Variants in FLG observed in about 807,000 individuals in gnomAD.
FLG encodes epidermal filaggrin.
A neutral mutation model predicts 3.8 loss-of-function variants in FLG; 6 were observed. The observed-to-expected ratio is 1.60, with a 90% CI of 0.87 to 3.15. The LOEUF (loss-of-function observed/expected upper bound fraction) is 3.15, where lower values mean the gene tolerates loss of function less well. Among genes scored for constraint, FLG ranks in the 30% most tolerant of loss-of-function variants. The pLI, the probability that FLG is intolerant of heterozygous loss-of-function variation, is 0.00. For missense variants in FLG, 7,595 were observed against 5,050.9 expected, an observed-to-expected ratio of 1.50 and a Z score of -15.27; for synonymous variants, 2,551 against 1,931.6, an observed-to-expected ratio of 1.32 and a Z score of -8.41.
rs139321371 is a variant in FLG at position 152,313,402 on chromosome 1, G to A, written c.1484C>T (p.Ser495Leu). Residue 495 changes from serine (S) to leucine (L), a missense_variant, in exon 3 of 3, where the codon TCG becomes TTG. Physicochemically the swap from Ser to Leu is moderately radical, Grantham distance 145. Coordinates refer to ENST00000368799, the MANE Select transcript of FLG (RefSeq NM_002016.2). Reference protein sequence around the residue: ...TGTSTGGRQGSHHEQARDSSR... With the variant: ...TGTSTGGRQGLHHEQARDSSR... ...GCTGTCTCGTGCCTGCTCGTGGTGC[G>A]ATCCTTGTCTTCCTCCAGTGCTGGT... The A allele has an allele frequency of 7.6e-5, 123 of 1,613,632 alleles. No individual in the cohort carries two copies. Among genetic ancestry groups the A allele is most frequent in the Non-Finnish European group, 1.0e-4 (118 of 1,179,938 alleles).
At position 152,313,853 on chromosome 1, in the gene FLG, T is replaced by C. The variant is rs751371192; in HGVS notation, c.1033A>G (p.Ser345Gly). ...HPRSHDEDRA[S>G]HGHSADSSRQ... The stretch of plus-strand genomic sequence containing the variant: ...GAGCTGTCTGCAGAGTGCCCATGAC[T>C]GGCTCTGTCTTCATCATGGGACCTG... Residue 345 changes from serine (S) to glycine (G), a missense_variant, in exon 3 of 3, where the codon AGT (serine) becomes GGT (glycine). Physicochemically the swap from Ser to Gly is moderately conservative, Grantham distance 56 (BLOSUM62 0). Coordinates refer to ENST00000368799, the MANE Select transcript of FLG (RefSeq NM_002016.2). 1.2e-5 allele frequency: 20 copies of C among 1,614,020 alleles called. No homozygotes were observed. In the East Asian group the frequency reaches 2.0e-4, roughly 16 times the overall value.
rs773473169 is a variant in FLG, at chr1:152,313,948, T to C, written c.938A>G (p.His313Arg). Residue 313 changes from histidine to arginine, a missense_variant, in exon 3 of 3, where the codon CAC becomes CGC. Physicochemically the swap from His to Arg is conservative, Grantham distance 29. Coordinates refer to ENST00000368799, the MANE Select transcript of FLG (RefSeq NM_002016.2). ...ATGGTTTCTGGAAGCCGACCCAGAG[T>C]GCCTCTCAGAGTCTTCTGAGTGTCC... ...SEGHSEDSER[H>R]SGSASRNHHG... The C allele has an allele frequency of 3.1e-6, 5 of 1,614,004 alleles. No homozygotes were observed. Among genetic ancestry groups the C allele is most frequent in the East Asian group, 2.2e-5 (1 of 44,862 alleles).
Position 152,305,132 on chromosome 1 carries a change from T to G in FLG, c.9754A>C (p.Arg3252=), listed in dbSNP as rs1231453448. ...SVQEQSRHGS[R]HPRSHHEDRA... ...TCTTCGTGATGGGACCTGGGGTGTC[T>G]GGAGCCGTGCCTTGACTGCTCCTGA... Residue 3252 remains arginine (R), a synonymous_variant, in exon 3 of 3, where the codon AGA becomes CGA. Coordinates refer to ENST00000368799, the MANE Select transcript of FLG (RefSeq NM_002016.2). The G allele has an allele frequency of 6.2e-7, 1 of 1,613,942 alleles. No homozygotes were observed. Among genetic ancestry groups the G allele is most frequent in the South Asian group, 1.1e-5 (1 of 91,024 alleles).
rs78733053 is a variant in FLG at position 152,303,168 on chromosome 1, G to A, written c.11718C>T (p.His3906=). The part of the protein sequence containing the change: ...RDGSRHPGSS[H]RDTASHVQSS... ...ACTGTACATGACTGGCTGTATCGCG[G>A]TGAGAGGATCCGGGGTGTCTGGAGC... The change falls in exon 3 of 3, where the codon CAC becomes CAT. Residue 3906 remains histidine, a synonymous_variant. Transcript: ENST00000368799. The A allele has an allele frequency of 1.7e-3, 2,799 of 1,614,182 alleles. 50 individuals carry two copies. In the African/African-American group the frequency reaches 0.033, roughly 19 times the overall value.
chr1:152,311,745 T>C lies in FLG; in HGVS notation c.3141A>G (p.Ser1047=), dbSNP rs1487372246. The stretch of plus-strand genomic sequence containing the variant: ...ATGAAGCTTGTCTGCGCGGAATGCC[T>C]GAGTGTCTGGAGCTGTCTGCTGACT... ...HQQSADSSRH[S]GIPRRQASSA... Residue 1047 remains serine, a synonymous_variant, in exon 3 of 3, where the codon TCA becomes TCG. Coordinates refer to ENST00000368799, the MANE Select transcript of FLG (RefSeq NM_002016.2). 2 of 1,614,016 alleles carry C rather than the reference T, an allele frequency of 1.2e-6. No individual in the cohort carries two copies. The highest frequency in any genetic ancestry group is 4.5e-5 in the East Asian group (2 of 44,884).
chr1:152,304,658 T>G lies in FLG; in HGVS notation c.10228A>C (p.Arg3410=), dbSNP rs1390641284. The change falls in exon 3 of 3, where the codon AGA becomes CGA. Residue 3410 remains arginine (R), a synonymous_variant. Transcript: ENST00000368799. The part of the protein sequence containing the change: ...HGRTRTSTGR[R]QGSHHEQARD... Reference sequence around the variant, plus strand: ...GCCTGCTCGTGGTGGGATCCTTGTCTTCGTCCAGTGCTGGTCCTGGTCCGC... The same window carrying G: ...GCCTGCTCGTGGTGGGATCCTTGTCGTCGTCCAGTGCTGGTCCTGGTCCGC... 1.2e-6 allele frequency: 2 copies of G among 1,611,960 alleles called. No individual in the cohort carries two copies. The highest frequency in any genetic ancestry group is 2.7e-5 in the African/African-American group (2 of 74,846).
chr1:152,315,035 C>G, intron 2 of FLG: 1 of 416,260 alleles, frequency 2.4e-6, no homozygotes, highest in Non-Finnish European at 4.2e-6. Context: ...CAAAAATCCC[C>G]TTAGTAATGT....
chr1:152,314,537 C>T lies in FLG; in HGVS notation c.349G>A (p.Glu117Lys). 2 of 1,612,408 alleles carry T rather than the reference C, an allele frequency of 1.2e-6. No individual in the cohort carries two copies. The highest frequency in any genetic ancestry group is 1.7e-6 in the Non-Finnish European group (2 of 1,179,640). Reference protein sequence around the residue: ...HDKHEDNKQEENKENRKRPSS... With the variant: ...HDKHEDNKQEKNKENRKRPSS... ...GGTCTTTTTCTGTTTTCTTTGTTTT[C>T]TTCCTGTTTATTATCTTCATGTTTA... The change falls in exon 3 of 3, where the codon GAA becomes AAA. Residue 117 changes from glutamate to lysine, a missense_variant. Coordinates refer to ENST00000368799, the MANE Select transcript of FLG (RefSeq NM_002016.2).
At chr1:152,315,569 T>C in intron 1 of FLG, 92 bp from the exon 2 acceptor site, 1 of 974,858 alleles carries the variant, frequency 1.0e-6, no homozygotes, top group Non-Finnish European at 1.5e-6. Context: ...AACCTACATT[T>C]TCCTCTAAGT....
Position 152,310,656 on chromosome 1 carries a change from C to G in FLG, c.4230G>C (p.Val1410=). The part of the protein sequence containing the change: ...GHSEDSDTQS[V]SAHGQAGPHQ... ...GGGGCCCAGCTTGTCCGTGGGCTGACACTGACTGTGTGTCTGAGTCTTCTG... is the reference window on the plus strand; with the variant it reads ...GGGGCCCAGCTTGTCCGTGGGCTGAGACTGACTGTGTGTCTGAGTCTTCTG... Residue 1410 remains valine (V), a synonymous_variant, in exon 3 of 3, where the codon GTG becomes GTC. Coordinates refer to ENST00000368799, the MANE Select transcript of FLG (RefSeq NM_002016.2). 1 of 1,614,048 alleles carries G rather than the reference C, an allele frequency of 6.2e-7. No homozygotes were observed. Among genetic ancestry groups the G allele is most frequent in the Non-Finnish European group, 8.5e-7 (1 of 1,180,020 alleles).
rs575918449 is a variant in FLG at position 152,312,876 on chromosome 1, A to G, written c.2010T>C (p.His670=). Reference sequence around the variant, plus strand: ...TTCTGGAGCTGTCTGCAGAGTGCCCATGACCAGCTCTGTCTTCGTGATGGG... The same window carrying G: ...TTCTGGAGCTGTCTGCAGAGTGCCCGTGACCAGCTCTGTCTTCGTGATGGG... ...PRSHHEDRAG[H]GHSADSSRKS... Residue 670 remains histidine, a synonymous_variant, in exon 3 of 3, where the codon CAT becomes CAC. Transcript: ENST00000368799. 69 of 1,612,576 alleles carry G rather than the reference A, an allele frequency of 4.3e-5. No individual in the cohort carries two copies. The highest frequency in any genetic ancestry group is 1.1e-4 in the South Asian group (10 of 91,072).
chr1:152,310,018 C>G lies in FLG; in HGVS notation c.4868G>C (p.Arg1623Pro). 5 of 1,613,738 alleles carry G rather than the reference C, an allele frequency of 3.1e-6. No individual in the cohort carries two copies. Among genetic ancestry groups the G allele is most frequent in the Non-Finnish European group, 4.2e-6 (5 of 1,179,950 alleles). Reference protein sequence around the residue: ...SASRNHYGSAREQSRHGSRNP... With the variant: ...SASRNHYGSAPEQSRHGSRNP... The stretch of plus-strand genomic sequence containing the variant: ...CCTGGAGCCATGTCTTGACTGCTCC[C>G]GAGCAGATCCATAATGGTTTCTGGA... Residue 1623 changes from arginine to proline, a missense_variant, in exon 3 of 3, where the codon CGG becomes CCG. Transcript: ENST00000368799.
At position 152,311,562 on chromosome 1, in the gene FLG, C is replaced by T. The variant is rs751238087; in HGVS notation, c.3324G>A (p.Gly1108=). 7 of 1,613,892 alleles carry T rather than the reference C, an allele frequency of 4.3e-6. No homozygotes were observed. The Admixed American group carries it at 5.0e-5, about 12-fold the overall frequency. ...AAGACCCTGAACGTCCAGACCTTCC[C>T]CCTGACCAGTCACGTGCGGACTCTT... is the stretch of plus-strand genomic sequence containing the variant. ...SHQESARDWS[G]GRSGRSGSFI... is the part of the protein sequence containing the mutation. The change falls in exon 3 of 3, where the codon GGG becomes GGA. Residue 1108 remains glycine, a synonymous_variant. Coordinates refer to ENST00000368799, the MANE Select transcript of FLG (RefSeq NM_002016.2).
At chr1:152,315,136 CTT>C (rs1652733226) in intron 2 of FLG, among the ~76,000 whole-genome samples, 181 bp downstream of exon 2, 1 of 151,862 alleles carries the variant, frequency 6.6e-6, no homozygotes, top group African/African-American at 2.4e-5. Flanking sequence ...CTGAGGGTGT[CTT>C]TATGTTTATA....
chr1:152,315,239 AAG>A, intron 2 of FLG, 78 bp downstream of exon 2: 2 of 1,332,450 alleles, frequency 1.5e-6, no homozygotes, highest in Non-Finnish European at 2.1e-6. Context: ...ATAGTTCACA[AAG>A]AGCTCAAAAT....
rs375970365 is a variant in FLG, at chr1:152,306,044, T to C, written c.8842A>G (p.Arg2948Gly). Reference sequence around the variant, plus strand: ...TGTGTGTGACGAGTGCCTGATTGTCTGGAGCTGTCTGCAGAGTGCCCATGA... The same window carrying C: ...TGTGTGTGACGAGTGCCTGATTGTCCGGAGCTGTCTGCAGAGTGCCCATGA... ...AGHGHSADSSRQSGTRHTQTS... is the reference protein window; with the variant it reads ...AGHGHSADSSGQSGTRHTQTS... Residue 2948 changes from arginine to glycine, a missense_variant, in exon 3 of 3, where the codon AGA becomes GGA. By Grantham distance (125) the Arg-to-Gly change is moderately radical (BLOSUM62 -2). Transcript: ENST00000368799. 2.4e-4 allele frequency: 375 copies of C among 1,594,082 alleles called. 4 individuals are homozygous for C. Among genetic ancestry groups the C allele is most frequent in the Middle Eastern group, 2.0e-3 (12 of 5,972 alleles).
rs757414270 is a variant in FLG at position 152,313,042 on chromosome 1, C to A, written c.1844G>T (p.Arg615Met). ...QGQSSGPRTS[R>M]NQGSSVSQDS... Reference sequence around the variant, plus strand: ...CTGGCTAACACTGGATCCCTGGTTCCTACTTGTCCTGGGCCCCGATGATTG... The same window carrying A: ...CTGGCTAACACTGGATCCCTGGTTCATACTTGTCCTGGGCCCCGATGATTG... Residue 615 changes from arginine (R) to methionine (M), a missense_variant, in exon 3 of 3, where the codon AGG (arginine) becomes ATG (methionine). Transcript: ENST00000368799. 1.2e-6 allele frequency: 2 copies of A among 1,613,898 alleles called. No individual in the cohort carries two copies. Among genetic ancestry groups the A allele is most frequent in the Non-Finnish European group, 1.7e-6 (2 of 1,180,034 alleles).
Position 152,308,601 on chromosome 1 carries a change from G to T in FLG, c.6285C>A (p.Ser2095Arg), listed in dbSNP as rs774677530. ...GRSGSFLYQV[S>R]THEQSESTHG... ...GGGTGGACTCAGACTGTTCATGAGTGCTCACCTGGTAGAGGAAAGACCCTG... is the reference window on the plus strand; with the variant it reads ...GGGTGGACTCAGACTGTTCATGAGTTCTCACCTGGTAGAGGAAAGACCCTG... Residue 2095 changes from serine (S) to arginine (R), a missense_variant, in exon 3 of 3, where the codon AGC (serine) becomes AGA (arginine). Coordinates refer to ENST00000368799, the MANE Select transcript of FLG (RefSeq NM_002016.2). 1.9e-6 allele frequency: 3 copies of T among 1,614,096 alleles called. No homozygotes were observed. The highest frequency in any genetic ancestry group is 2.5e-6 in the Non-Finnish European group (3 of 1,180,008).
rs12728908 is a variant in FLG at position 152,304,379 on chromosome 1, A to C, written c.10507T>G (p.Trp3503Gly). The C allele has an allele frequency of 2.0e-5, 33 of 1,611,072 alleles. 1 individual carries two copies. Among genetic ancestry groups the C allele is most frequent in the African/African-American group, 6.7e-5 (5 of 74,568 alleles). Residue 3503 changes from tryptophan (W) to glycine (G), a missense_variant, in exon 3 of 3, where the codon TGG (tryptophan) becomes GGG (glycine). Transcript: ENST00000368799. Reference protein sequence around the residue: ...EQSGDGSRHSWSHHHEASTQA... With the variant: ...EQSGDGSRHSGSHHHEASTQA... ...GTGGAAGCTTCATGGTGATGCGACC[A>C]TGAGTGCCTGGAGCCATCTCCTGAT... is the stretch of plus-strand genomic sequence containing the variant.
Sources: gnomAD v4.1 joint callset for allele counts (sites outside exome capture counted in the v4.1 genomes callset) on GRCh38, gnomAD v4.1.1 for gene constraint, MANE v1.5 for transcripts, NCBI Gene and HGNC (gene_info 2026-07-23, HGNC 2026-07-21) for gene names.